Variants in DPP7 observed in about 807,000 individuals in gnomAD.
The protein encoded by DPP7 is dipeptidyl peptidase 7.
In DPP7, 74 loss-of-function variants were observed where a neutral mutation model predicts 58.8. That is an observed-to-expected ratio of 1.26 (90% confidence interval 1.04 to 1.53). The LOEUF (loss-of-function observed/expected upper bound fraction) is 1.53, where lower values mean the gene tolerates loss of function less well. Among genes scored for constraint, DPP7 ranks in the 40% most tolerant of loss-of-function variants. DPP7 has a pLI of 0.00. For missense variants in DPP7, 807 were observed against 692.3 expected (o/e 1.17, Z -1.86); for synonymous variants, 350 against 303.6 (o/e 1.15, Z -1.59).
chr9:137,110,559 G>T lies in DPP7; in HGVS notation c.*89C>A. ...GGGACATACATGGCCAGGCCTCCAG[G>T]CGTTTATTCAGCCCCTTCCCTCTGC... is the stretch of plus-strand genomic sequence containing the variant. On this transcript the variant is annotated 3_prime_UTR_variant, in exon 13 of 13. Transcript: ENST00000371579. 3 of 1,504,466 alleles carry T rather than the reference G, an allele frequency of 2.0e-6. No individual in the cohort carries two copies. Among genetic ancestry groups the T allele is most frequent in the Non-Finnish European group, 2.7e-6 (3 of 1,124,578 alleles). The allele number at this position is 1,504,466 out of a possible 1,614,324, so 93.2% of individuals were successfully genotyped here.
At chr9:137,112,865 G>T in intron 7 of DPP7, 60 bp from the exon 8 acceptor site, 1 of 1,600,832 alleles carries the variant, frequency 6.2e-7, no homozygotes, top group East Asian at 2.3e-5. Context: ...CGCCTCCCTG[G>T]CTCCCAGGAT....
chr9:137,113,167 G>A lies in DPP7; in HGVS notation c.703+39C>T, dbSNP rs775411324. On this transcript the variant is annotated intron_variant, in intron 6 of 12. Coordinates refer to ENST00000371579, the MANE Select transcript of DPP7 (RefSeq NM_013379.3). ...TGAAGTTTGGGCATAGCTGGCGCTG[G>A]GGCGGGTCAGGCAGTGGGAGGCGGT... 3 of 1,613,768 alleles carry A rather than the reference G, an allele frequency of 1.9e-6. No individual in the cohort carries two copies. The South Asian group carries it at 3.3e-5, about 18-fold the overall frequency.
At chr9:137,117,417 G>A (rs566297248), upstream of DPP7, among the ~76,000 whole-genome samples, 26 of 152,222 alleles carry the variant, frequency 1.7e-4, no homozygotes, top group Non-Finnish European at 3.1e-4. Flanking sequence ...CAGCACAGAC[G>A]GGCAGGTTGG....
intron 8 of DPP7, chr9:137,112,502 G>T: frequency 1.6e-6 from 1 of 639,148 alleles, no homozygotes; most frequent in Non-Finnish European, 2.7e-6. Flanking sequence ...GGGGACCCCA[G>T]GGGCCCCTTG....
Position 137,110,905 on chromosome 9 carries a change from C to T in DPP7, c.1318G>A (p.Gly440Arg), listed in dbSNP as rs777774924. 1.3e-5 allele frequency: 21 copies of T among 1,612,872 alleles called. No homozygotes were observed. The highest frequency in any genetic ancestry group is 1.7e-5 in the Admixed American group (1 of 59,980). The change falls in exon 12 of 13, where the codon GGG becomes AGG. Residue 440 changes from glycine to arginine, a missense_variant. Coordinates refer to ENST00000371579, the MANE Select transcript of DPP7 (RefSeq NM_013379.3). ...CTGAGGTCGAGGTGGTGCGCTCCCC[C>T]CTGGATGGTGACGGCGATGACTGAG... The part of the protein sequence containing the change: ...SASVIAVTIQ[G>R]GAHHLDLRAS...
chr9:137,116,940 C>T (rs961758776), upstream of DPP7, among the ~76,000 whole-genome samples: 2 of 152,224 alleles, frequency 1.3e-5, no homozygotes, highest in African/African-American at 4.8e-5. Flanking sequence ...CATCCGGGCA[C>T]AGCACCTTCC....
intron 11 of DPP7, among the ~76,000 whole-genome samples, 186 bp from the exon 12 acceptor site, chr9:137,111,136 G>A (rs543594040): frequency 9.3e-4 from 142 of 152,304 alleles, no homozygotes; most frequent in African/African-American, 3.2e-3. Context: ...GGGTGAGACA[G>A]GAGCAGGGAA....
In DPP7 at chr9:137,114,627, C is replaced by T. The variant is rs1046158444; in HGVS notation, c.67+20G>A. The T allele has an allele frequency of 3.6e-6, 5 of 1,399,018 alleles. No individual in the cohort carries two copies. The highest frequency in any genetic ancestry group is 1.5e-5 in the African/African-American group (1 of 65,510). The allele number at this position is 1,399,018 out of a possible 1,614,324, so 86.7% of individuals were successfully genotyped here. ...GCGGGGCCGGGACCGGGGAATGGGC[C>T]GGGGGGCGCCGCCACTCACCCCCCG... On this transcript the variant is annotated intron_variant, in intron 1 of 12. Transcript: ENST00000371579.
At position 137,114,206 on chromosome 9, in the gene DPP7, CCCCGCGACCCCG is replaced by C. The variant is rs748768870; in HGVS notation, c.321+25_321+36del. The C allele has an allele frequency of 1.1e-3, 1,245 of 1,094,928 alleles. 47 individuals are homozygous for C. Among genetic ancestry groups the C allele is most frequent in the African/African-American group, 1.2e-3 (34 of 27,812 alleles). The allele number at this position is 1,094,928 out of a possible 1,614,324, so 67.8% of individuals were successfully genotyped here. A position where few individuals can be genotyped will look rare whatever the true frequency, so the allele number is the denominator to read the frequency against. On this transcript the variant is annotated intron_variant, in intron 3 of 12. Transcript: ENST00000371579. ...CGCGACCCCGCCCGGCACCCACGTG[CCCCGCGACCCCG>C]CCCGCGACCCCGCCCGGCACCCACG...
At chr9:137,111,794 G>C in intron 10 of DPP7, 40 bp from the exon 11 acceptor site, 1 of 1,613,166 alleles carries the variant, frequency 6.2e-7, no homozygotes, top group Non-Finnish European at 8.5e-7. Context: ...GGCCCCTCAC[G>C]GGGGCTGTGA....
Position 137,110,570 on chromosome 9 carries a change from G to T in DPP7, c.*78C>A. On this transcript the variant is annotated 3_prime_UTR_variant, in exon 13 of 13. Transcript: ENST00000371579. ...GGCCAGGCCTCCAGGCGTTTATTCA[G>T]CCCCTTCCCTCTGCCGCCAGCTGCT... 1 of 1,544,438 alleles carries T rather than the reference G, an allele frequency of 6.5e-7. No homozygotes were observed. Among genetic ancestry groups the T allele is most frequent in the Non-Finnish European group, 8.7e-7 (1 of 1,145,888 alleles).
chr9:137,112,523 A>C lies in DPP7; in HGVS notation c.931+222T>G. 5 of 667,620 alleles carry C rather than the reference A, an allele frequency of 7.5e-6. No individual in the cohort carries two copies. The East Asian group carries it at 1.4e-4, about 18-fold the overall frequency. 41.4% of individuals were successfully genotyped at this position (667,620 alleles called of 1,614,324 possible). Reference sequence around the variant, plus strand: ...CCCAGGGGCCCCTTGGGCAGCACCCACCAAGCTGGGCCTGGCTACAGCCAG... The same window carrying C: ...CCCAGGGGCCCCTTGGGCAGCACCCCCCAAGCTGGGCCTGGCTACAGCCAG... On this transcript the variant is annotated intron_variant, in intron 8 of 12. Coordinates refer to ENST00000371579, the MANE Select transcript of DPP7 (RefSeq NM_013379.3).
chr9:137,115,677 T>C (rs1831614677), upstream of DPP7, among the ~76,000 whole-genome samples: 1 of 152,062 alleles, frequency 6.6e-6, no homozygotes, highest in Admixed American at 6.5e-5. Context: ...CCTCACGCCA[T>C]GGCCCTCCCG....
chr9:137,111,069 CAG>C, intron 11 of DPP7, 119 bp from the exon 12 acceptor site: 1 of 972,754 alleles, frequency 1.0e-6, no homozygotes. Flanking sequence ...ATCAAGCAAC[CAG>C]AGAGAACCAG....
chr9:137,117,731 G>C (rs1032252261), upstream of DPP7, among the ~76,000 whole-genome samples: 1 of 152,226 alleles, frequency 6.6e-6, no homozygotes, highest in African/African-American at 2.4e-5. Context: ...GGCCGTGCTG[G>C]TCTGTGTGCT....
In DPP7 at chr9:137,113,241, G is replaced by A. The variant is rs1477194622; in HGVS notation, c.668C>T (p.Ala223Val). 4.3e-6 allele frequency: 7 copies of A among 1,613,632 alleles called. No individual in the cohort carries two copies. Among genetic ancestry groups the A allele is most frequent in the Middle Eastern group, 1.6e-4 (1 of 6,084 alleles). Residue 223 changes from alanine (A) to valine (V), a missense_variant, in exon 6 of 13, where the codon GCG (alanine) becomes GTG (valine). By Grantham distance (64) the Ala-to-Val change is moderately conservative. This residue lies in a region of DPP7 where 624 missense variants were observed against 531.2 expected (regional missense o/e 1.17). Coordinates refer to ENST00000371579, the MANE Select transcript of DPP7 (RefSeq NM_013379.3). ...GAACAAGTCCTTGATCTGTCGGAAC[G>A]CTTCCCGCACACCCTGGGTGCATTT... ...SPKCTQGVRE[A>V]FRQIKDLFLQ...
upstream of DPP7, chr9:137,115,319 T>C (rs1401522980): frequency 1.3e-5 from 2 of 152,378 alleles, no homozygotes; most frequent in African/African-American, 2.4e-5. Flanking sequence ...TGGCACCCAG[T>C]GTGCCCACAC....
intron 11 of DPP7, 69 bp from the exon 12 acceptor site, chr9:137,111,019 G>A: frequency 6.7e-7 from 1 of 1,494,620 alleles, no homozygotes; most frequent in South Asian, 1.2e-5. Context: ...TGGGCCCATT[G>A]GAGAGGAGAC....
Position 137,114,696 on chromosome 9 carries a change from C to G in DPP7, c.18G>C (p.Trp6Cys). Residue 6 changes from tryptophan (W) to cysteine (C), a missense_variant, in exon 1 of 13, where the codon TGG (tryptophan) becomes TGC (cysteine). This residue lies in a region of DPP7 where 168 missense variants were observed against 124.1 expected (regional missense o/e 1.35). Coordinates refer to ENST00000371579, the MANE Select transcript of DPP7 (RefSeq NM_013379.3). MGSAP[W>C]APVLLLALGL... ...CGAGCGCCAGCAGCAGGACCGGGGC[C>G]CAGGGAGCGGAGCCCATGTCGCCTT... is the stretch of plus-strand genomic sequence containing the variant. The G allele has an allele frequency of 7.5e-7, 1 of 1,329,914 alleles. No homozygotes were observed. Among genetic ancestry groups the G allele is most frequent in the Non-Finnish European group, 9.6e-7 (1 of 1,042,310 alleles). The allele number at this position is 1,329,914 out of a possible 1,614,324, so 82.4% of individuals were successfully genotyped here.
Sources: gnomAD v4.1 joint callset for allele counts (sites outside exome capture counted in the v4.1 genomes callset) on GRCh38, gnomAD v4.1.1 for gene constraint, gnomAD v4.1.1 regional missense constraint, MANE v1.5 for transcripts, NCBI Gene and HGNC (gene_info 2026-07-23, HGNC 2026-07-21) for gene names.